Variants in IPO11 observed in about 807,000 individuals in gnomAD.
IPO11 encodes importin-11.
In IPO11, 66 loss-of-function variants were observed where a neutral mutation model predicts 143.2. The ratio of observed to expected loss-of-function variants is 0.46; its 90% confidence interval spans 0.38 to 0.57. IPO11 has a LOEUF of 0.57. Ranked by LOEUF, IPO11 falls within the 20% of genes least tolerant of loss-of-function variation. The probability of loss-of-function intolerance (pLI) is 0.00; values close to 1 mark genes in which losing one functional copy is unlikely to be tolerated. For missense variants in IPO11, 1,026 were observed against 1,141.0 expected (o/e 0.90, Z 1.45); for synonymous variants, 385 against 377.8 (o/e 1.02, Z -0.22).
chr5:62,467,013 C>A, intron 5 of IPO11, 118 bp from the exon 6 acceptor site: 1 of 906,674 alleles, frequency 1.1e-6, no homozygotes, highest in African/African-American at 1.7e-5. Context: ...TTGACTATTT[C>A]AGATCTCTCA....
rs190348742 is a variant in IPO11 at position 62,611,636 on chromosome 5, A to G, written c.2763+9788A>G. 3.3e-3 allele frequency among the ~76,000 whole-genome samples: 500 copies of G among 152,268 alleles called. 2 individuals carry two copies. Among genetic ancestry groups the G allele is most frequent in the African/African-American group, 0.011 (476 of 41,560 alleles). Reference sequence around the variant, plus strand: ...ACTTGAATTGTTACTAAAAACCTTAATTGTGATGAATTCAGTAACTTTGCC... The same window carrying G: ...ACTTGAATTGTTACTAAAAACCTTAGTTGTGATGAATTCAGTAACTTTGCC... On this transcript the variant is annotated intron_variant, in intron 29 of 29. Coordinates refer to ENST00000325324, the MANE Select transcript of IPO11 (RefSeq NM_016338.5).
intron 27 of IPO11, among the ~76,000 whole-genome samples, 180 bp downstream of exon 27, chr5:62,561,437 GA>G (rs965641027): frequency 6.6e-6 from 1 of 151,654 alleles, no homozygotes; most frequent in Non-Finnish European, 1.5e-5. Context: ...CAGTGAGTGG[GA>G]TAGGTACTGT....
At chr5:62,593,852 G>A (rs573257490) in intron 28 of IPO11, among the ~76,000 whole-genome samples, 94 of 152,262 alleles carry the variant, frequency 6.2e-4, no homozygotes, top group Admixed American at 2.7e-3. Context: ...GGTTAGACTA[G>A]ATCTCTATTA....
chr5:62,509,062 A>G (rs1310755669), intron 19 of IPO11, among the ~76,000 whole-genome samples: 2 of 152,254 alleles, frequency 1.3e-5, no homozygotes, highest in East Asian at 3.8e-4. Context: ...TAAAGTCACC[A>G]TCTTTGTACC....
intron 6 of IPO11, among the ~76,000 whole-genome samples, chr5:62,467,684 A>G (rs925208703): frequency 3.9e-5 from 6 of 151,938 alleles, no homozygotes; most frequent in Non-Finnish European, 2.9e-5. Flanking sequence ...TCCATCTTTC[A>G]TCTTAGTGCC....
Position 62,536,692 on chromosome 5 carries a change from G to T in IPO11, c.2090-10G>T. 6.4e-7 allele frequency: 1 copy of T among 1,574,206 alleles called. No individual in the cohort carries two copies. The highest frequency in any genetic ancestry group is 8.6e-7 in the Non-Finnish European group (1 of 1,167,092). ...TTTGGTTTTTTGTTTGACATTTATT[G>T]TTTTGGCAGAACTAAGTTCAGAAAA... is the stretch of plus-strand genomic sequence containing the variant. On this transcript the variant is annotated splice_polypyrimidine_tract_variant and intron_variant, in intron 22 of 29. Transcript: ENST00000325324.
At chr5:62,520,118 C>A (rs560356720) in intron 20 of IPO11, among the ~76,000 whole-genome samples, 2 of 152,324 alleles carry the variant, frequency 1.3e-5, no homozygotes, top group South Asian at 4.1e-4. Context: ...CCTGGATAAT[C>A]TTCCTATCTA....
At chr5:62,565,260 C>A (rs977592996) in intron 27 of IPO11, among the ~76,000 whole-genome samples, 3 of 152,116 alleles carry the variant, frequency 2.0e-5, no homozygotes, top group Non-Finnish European at 4.4e-5. Flanking sequence ...CCGAGGCAGG[C>A]AGATCACTTG....
At chr5:62,418,593 G>T (rs543371511) in intron 1 of IPO11, among the ~76,000 whole-genome samples, 1 of 152,326 alleles carries the variant, frequency 6.6e-6, no homozygotes, top group East Asian at 1.9e-4. Context: ...ATTCTTGGTT[G>T]AGGAGTGAGC....
chr5:62,614,494 C>T lies in IPO11; in HGVS notation c.2763+12646C>T, dbSNP rs539428009. ...AAGGCTGTTGCTAAGTTCTGCAGTA[C>T]GTAGAACTGAAATGCTGAAGAGTTA... On this transcript the variant is annotated intron_variant, in intron 29 of 29. Transcript: ENST00000325324. Among the ~76,000 whole-genome samples, 7 of 152,306 alleles carry T rather than the reference C, an allele frequency of 4.6e-5. No homozygotes were observed. The South Asian group carries it at 6.2e-4, about 14-fold the overall frequency.
At chr5:62,504,556 CTAA>C (rs1468893160) in intron 16 of IPO11, 108 bp from the exon 17 acceptor site, 10 of 637,750 alleles carry the variant, frequency 1.6e-5, no homozygotes, top group African/African-American at 1.5e-4. Flanking sequence ...GTCTGTGACT[CTAA>C]TAATAATAAG....
chr5:62,467,374 G>C, intron 6 of IPO11, 111 bp downstream of exon 6: 3 of 1,133,082 alleles, frequency 2.6e-6, no homozygotes, highest in South Asian at 1.6e-5. Context: ...AAAATAAGAG[G>C]TTTATTTCTC....
chr5:62,613,661 A>G (rs1226962573), intron 29 of IPO11, among the ~76,000 whole-genome samples: 1 of 152,016 alleles, frequency 6.6e-6, no homozygotes, highest in Non-Finnish European at 1.5e-5. Context: ...GGTTGGGTCT[A>G]TATTCCTTCC....
chr5:62,525,943 A>T (rs1194277394), intron 20 of IPO11, among the ~76,000 whole-genome samples, 199 bp from the exon 21 acceptor site: 3 of 152,230 alleles, frequency 2.0e-5, no homozygotes, highest in Admixed American at 2.0e-4. Context: ...GCCAATAGGC[A>T]ATTGAATAGT....
intron 5 of IPO11, among the ~76,000 whole-genome samples, chr5:62,456,779 C>T (rs1214720091): frequency 6.6e-6 from 1 of 152,124 alleles, no homozygotes; most frequent in Admixed American, 6.6e-5. Flanking sequence ...AACGCAACCC[C>T]CCTATTTAGT....
chr5:62,439,812 G>C lies in IPO11; in HGVS notation c.138+2395G>C, dbSNP rs142603090. On this transcript the variant is annotated intron_variant, in intron 2 of 29. Transcript: ENST00000325324. ...TAGTCTTCCTTTTTCCCCTATACTC[G>C]CTATCTAGGTACATTTGATCTTACC... 1.1e-4 allele frequency among the ~76,000 whole-genome samples: 17 copies of C among 152,034 alleles called. No individual in the cohort carries two copies. The East Asian group carries it at 3.3e-3, about 29-fold the overall frequency.
chr5:62,470,447 T>G (rs1242820327), intron 7 of IPO11, 139 bp downstream of exon 7: 2 of 740,916 alleles, frequency 2.7e-6, no homozygotes, highest in African/African-American at 3.5e-5. Flanking sequence ...ATTCTGACTT[T>G]TAGACTTCTG....
intron 1 of IPO11, among the ~76,000 whole-genome samples, chr5:62,425,408 C>G (rs926321641): frequency 1.3e-5 from 2 of 152,180 alleles, no homozygotes; most frequent in African/African-American, 2.4e-5. Context: ...ACCTCCGCCT[C>G]CTGGGTTCAG....
At chr5:62,555,826 A>C (rs750991363) in intron 26 of IPO11, among the ~76,000 whole-genome samples, 1 of 152,080 alleles carries the variant, frequency 6.6e-6, no homozygotes, top group African/African-American at 2.4e-5. Context: ...ATTTTTAAAA[A>C]TTTTTGTAGA....
Sources: gnomAD v4.1 joint callset for allele counts (sites outside exome capture counted in the v4.1 genomes callset) on GRCh38, gnomAD v4.1.1 for gene constraint, MANE v1.5 for transcripts, NCBI Gene and HGNC (gene_info 2026-07-23, HGNC 2026-07-21) for gene names.